CMIP: variants seen among roughly 807,000 people sequenced by gnomAD.
The protein encoded by CMIP is c-Maf inducing protein, also known as C-Maf-inducing protein.
A neutral mutation model predicts 97.3 loss-of-function variants in CMIP; 13 were observed. That is an observed-to-expected ratio of 0.13 (90% CI 0.09 to 0.21). The LOEUF is 0.21. CMIP is among the 10% of genes least tolerant of loss of function. CMIP has a pLI of 1.00. For missense variants in CMIP, 847 were observed against 1,024.9 expected (o/e 0.83, Z 2.37); for synonymous variants, 538 against 436.3 (o/e 1.23, Z -2.91).
intron 1 of CMIP, among the ~76,000 whole-genome samples, chr16:81,569,396 G>T (rs8059803): frequency 6.6e-6 from 1 of 152,026 alleles, no homozygotes; most frequent in African/African-American, 2.4e-5. Flanking sequence ...CCTCAAGCCC[G>T]TGCTCTCCTT....
Position 81,621,016 on chromosome 16 carries a change from G to A in CMIP, c.477+90G>A. On this transcript the variant is annotated intron_variant, in intron 3 of 20. Coordinates refer to ENST00000537098, the MANE Select transcript of CMIP (RefSeq NM_198390.3). The surrounding 1 kb of genome is among the most constrained non-coding windows in gnomAD (Gnocchi z 4.1). ...TCTGTCACCCAGAGGCATGAAAGTG[G>A]AGAACTCATGCCTTCCAGATGGCTC... 1.3e-6 allele frequency: 2 copies of A among 1,514,490 alleles called. No individual in the cohort carries two copies. The highest frequency in any genetic ancestry group is 1.2e-5 in the South Asian group (1 of 86,254). The allele number at this position is 1,514,490 out of a possible 1,614,324, so 93.8% of individuals were successfully genotyped here.
chr16:81,626,814 T>G (rs75592083), intron 3 of CMIP, among the ~76,000 whole-genome samples: 13,973 of 118,200 alleles, frequency 0.12, 1,076 homozygotes, highest in East Asian at 0.28. Flanking sequence ...TGTGTGTGTG[T>G]GTGGGGTGCA....
At chr16:81,644,975 CAG>C (rs1317374935) in intron 3 of CMIP, among the ~76,000 whole-genome samples, 1 of 152,196 alleles carries the variant, frequency 6.6e-6, no homozygotes, top group Non-Finnish European at 1.5e-5. Context: ...GACGTGATGA[CAG>C]GGACACCAAG....
Position 81,527,538 on chromosome 16 carries a change from C to T in CMIP, c.301-80029C>T, listed in dbSNP as rs1266406636. On this transcript the variant is annotated intron_variant, in intron 1 of 20. Coordinates refer to ENST00000537098, the MANE Select transcript of CMIP (RefSeq NM_198390.3). Reference sequence around the variant, plus strand: ...TTATCCCATCTCATGGACCTACCACCAGGCTATCAGTTGGATTTTGTTTCT... The same window carrying T: ...TTATCCCATCTCATGGACCTACCACTAGGCTATCAGTTGGATTTTGTTTCT... Among the ~76,000 whole-genome samples, 4 of 152,200 alleles carry T rather than the reference C, an allele frequency of 2.6e-5. No homozygotes were observed. The East Asian group carries it at 7.7e-4, about 29-fold the overall frequency.
At chr16:81,639,373 CTT>C (rs968771722) in intron 3 of CMIP, among the ~76,000 whole-genome samples, 48 of 152,326 alleles carry the variant, frequency 3.2e-4, no homozygotes, top group African/African-American at 1.1e-3. Flanking sequence ...GTCTCCAGAA[CTT>C]TCTCCTCTTC....
intron 1 of CMIP, among the ~76,000 whole-genome samples, chr16:81,501,648 G>A (rs1045808715): frequency 2.1e-5 from 3 of 144,642 alleles, no homozygotes; most frequent in Non-Finnish European, 4.5e-5. Context: ...GTCTCGCTCT[G>A]TCGCCCAGGC....
intron 1 of CMIP, among the ~76,000 whole-genome samples, chr16:81,481,659 G>C (rs184978151): frequency 6.6e-6 from 1 of 152,174 alleles, no homozygotes; most frequent in Non-Finnish European, 1.5e-5. Context: ...GTGGCTTAAA[G>C]CAACACAAAG....
At chr16:81,490,068 C>G (rs567097724) in intron 1 of CMIP, among the ~76,000 whole-genome samples, 1 of 152,188 alleles carries the variant, frequency 6.6e-6, no homozygotes, top group Non-Finnish European at 1.5e-5. Context: ...TGTGGACACG[C>G]CTGCACGCCT....
chr16:81,607,848 G>T (rs936756422), intron 2 of CMIP, among the ~76,000 whole-genome samples, 156 bp downstream of exon 2: 1 of 152,210 alleles, frequency 6.6e-6, no homozygotes, highest in Admixed American at 6.5e-5. Context: ...CTGTAAACCA[G>T]GTCTGACTGG....
chr16:81,586,416 T>C (rs2150912067), intron 1 of CMIP, among the ~76,000 whole-genome samples: 1 of 152,258 alleles, frequency 6.6e-6, no homozygotes, highest in East Asian at 1.9e-4. Flanking sequence ...TTGTAGACAG[T>C]AGCAACAGTG....
intron 18 of CMIP, among the ~76,000 whole-genome samples, chr16:81,704,673 A>T (rs186027663): frequency 2.3e-5 from 1 of 44,326 alleles, no homozygotes; most frequent in South Asian, 1.2e-3. Context: ...CCTCCTCCCT[A>T]CCCCTTCATC....
chr16:81,701,471 TG>T (rs1907397750), intron 15 of CMIP, among the ~76,000 whole-genome samples, 188 bp from the exon 16 acceptor site: 1 of 152,174 alleles, frequency 6.6e-6, no homozygotes, highest in East Asian at 1.9e-4. Context: ...CCTCAGTGCG[TG>T]GTCACTGGTG....
intron 1 of CMIP, among the ~76,000 whole-genome samples, chr16:81,531,364 A>G (rs973265468): frequency 6.6e-6 from 1 of 152,228 alleles, no homozygotes; most frequent in Non-Finnish European, 1.5e-5. Context: ...CCCTGTTGAC[A>G]TCTTGACTTA....
intron 1 of CMIP, among the ~76,000 whole-genome samples, chr16:81,520,966 A>G (rs2090014065): frequency 6.6e-6 from 1 of 152,110 alleles, no homozygotes; most frequent in South Asian, 2.1e-4. Flanking sequence ...CATCCTCTTT[A>G]AATTAGCGGT....
chr16:81,578,958 A>G (rs1380201888), intron 1 of CMIP, among the ~76,000 whole-genome samples: 1 of 152,252 alleles, frequency 6.6e-6, no homozygotes, highest in African/African-American at 2.4e-5. Context: ...AGCAGAGGGA[A>G]CACTGGACTA....
At chr16:81,645,738 C>T in intron 3 of CMIP, 4 of 951,854 alleles carry the variant, frequency 4.2e-6, no homozygotes, top group South Asian at 2.8e-5. Context: ...TGTGGGGAGC[C>T]CTCCTGAGTT....
At chr16:81,673,606 G>A (rs1390729245) in intron 9 of CMIP, among the ~76,000 whole-genome samples, 1 of 152,216 alleles carries the variant, frequency 6.6e-6, no homozygotes, top group African/African-American at 2.4e-5. Context: ...CCAGGAGGCC[G>A]TGCGTAACAC....
At chr16:81,601,242 C>G (rs1010502812) in intron 1 of CMIP, among the ~76,000 whole-genome samples, 2 of 152,216 alleles carry the variant, frequency 1.3e-5, no homozygotes, top group African/African-American at 2.4e-5. Flanking sequence ...CCTCCCTTCC[C>G]TGGCACATGT....
intron 11 of CMIP, among the ~76,000 whole-genome samples, chr16:81,692,632 C>G (rs55693227): frequency 6.6e-6 from 1 of 152,166 alleles, no homozygotes; most frequent in African/African-American, 2.4e-5. Flanking sequence ...CCCCGAGGGT[C>G]CCCAGTACTT....
Sources: allele counts gnomAD v4.1 joint callset (sites outside exome capture counted in the v4.1 genomes callset), GRCh38; gene constraint gnomAD v4.1.1; non-coding constraint Gnocchi (gnomAD v3.1); transcripts MANE v1.5; gene names NCBI Gene and HGNC (gene_info 2026-07-23, HGNC 2026-07-21).